HAS1: variants seen among roughly 807,000 people sequenced by gnomAD.
HAS1 encodes the protein hyaluronan synthase 1.
A neutral mutation model predicts 35.0 loss-of-function variants in HAS1; 27 were observed. That is an observed-to-expected ratio of 0.77 (90% confidence interval 0.57 to 1.06). The LOEUF (loss-of-function observed/expected upper bound fraction) is 1.06, where lower values mean the gene tolerates loss of function less well. Ranked by LOEUF, HAS1 falls within the 50% of genes least tolerant of loss-of-function variation. The probability of loss-of-function intolerance (pLI) is 0.00; values close to 1 mark genes in which losing one functional copy is unlikely to be tolerated. For synonymous variants in HAS1, 409 were observed against 371.2 expected, an observed-to-expected ratio of 1.10 and a Z score of -1.17; for missense variants, 940 against 814.8, an observed-to-expected ratio of 1.15 and a Z score of -1.87.
At chr19:51,723,062 G>A (rs1244063550) in intron 1 of HAS1, among the ~76,000 whole-genome samples, 2 of 152,042 alleles carry the variant, frequency 1.3e-5, no homozygotes, top group African/African-American at 4.8e-5. Flanking sequence ...GAGTTCCTAG[G>A]GATGGCTCAA....
rs756111781 is a variant in HAS1 at position 51,719,729 on chromosome 19, C to T, written c.176G>A (p.Gly59Glu). 1 of 1,568,778 alleles carries T rather than the reference C, an allele frequency of 6.4e-7. No individual in the cohort carries two copies. Among genetic ancestry groups the T allele is most frequent in the South Asian group, 1.2e-5 (1 of 86,026 alleles). ...CACCAGGTGCGCTGAAAGGAAGGCC[C>T]CGTAGAGGCCGAAGGCCAGGAGGCC... ...RYGLLAFGLY[G>E]AFLSAHLVAQ... is the part of the protein sequence containing the mutation. Residue 59 changes from glycine to glutamate, a missense_variant, in exon 2 of 5, where the codon GGG becomes GAG. Physicochemically the swap from Gly to Glu is moderately conservative, Grantham distance 98. Coordinates refer to ENST00000540069, the MANE Select transcript of HAS1 (RefSeq NM_001297436.2).
chr19:51,713,211 G>T lies in HAS1; in HGVS notation c.*216C>A, dbSNP rs3829649. On this transcript the variant is annotated 3_prime_UTR_variant, in exon 5 of 5. Coordinates refer to ENST00000540069, the MANE Select transcript of HAS1 (RefSeq NM_001297436.2). This position sits in a 1 kb window ranked among gnomAD's most constrained non-coding sequence, Gnocchi z 4.5. The stretch of plus-strand genomic sequence containing the variant: ...CAGGACCCTTTCCCTCCACTCCTCA[G>T]ATCCCACACCCTGACCAATAAATAC... 9.0e-6 allele frequency: 4 copies of T among 444,956 alleles called. No homozygotes were observed. The highest frequency in any genetic ancestry group is 7.0e-5 in the East Asian group (2 of 28,740). 27.6% of individuals were successfully genotyped at this position (444,956 alleles called of 1,614,324 possible).
chr19:51,722,808 A>G (rs2083639887), intron 1 of HAS1, among the ~76,000 whole-genome samples: 2 of 152,306 alleles, frequency 1.3e-5, no homozygotes, highest in African/African-American at 4.8e-5. Flanking sequence ...CCTTTATTTA[A>G]AAAAATGTGC....
At position 51,716,371 on chromosome 19, in the gene HAS1, G is replaced by A. The variant is rs759824177; in HGVS notation, c.943C>T (p.Leu315Phe). 1.2e-6 allele frequency: 2 copies of A among 1,613,456 alleles called. No homozygotes were observed. Among genetic ancestry groups the A allele is most frequent in the South Asian group, 2.2e-5 (2 of 91,032 alleles). ...CAGGCCTCAAGAAACTGCTGCAAGAGGTTATTCCTATATAGGCCTGGGTGG... is the reference window on the plus strand; with the variant it reads ...CAGGCCTCAAGAAACTGCTGCAAGAAGTTATTCCTATATAGGCCTGGGTGG... ...SGPLGLYRNN[L>F]LQQFLEAWYN... The change falls in exon 4 of 5, where the codon CTC becomes TTC. Residue 315 changes from leucine (L) to phenylalanine (F), a missense_variant. By Grantham distance (22) the Leu-to-Phe change is conservative. Transcript: ENST00000540069.
intron 2 of HAS1, among the ~76,000 whole-genome samples, chr19:51,717,664 G>C (rs1427952034): frequency 6.6e-6 from 1 of 152,210 alleles, no homozygotes; most frequent in Non-Finnish European, 1.5e-5. Context: ...TGGCCTTGAA[G>C]AGGCAAGCTA....
intron 1 of HAS1, among the ~76,000 whole-genome samples, chr19:51,721,399 C>T (rs978236255): frequency 2.6e-5 from 4 of 152,104 alleles, no homozygotes; most frequent in African/African-American, 4.8e-5. Context: ...GCTGGAAGAG[C>T]CCAGAATCAG....
rs377755127 is a variant in HAS1 at position 51,713,530 on chromosome 19, G to T, written c.1631C>A (p.Ala544Asp). 3.8e-6 allele frequency: 6 copies of T among 1,594,470 alleles called. No individual in the cohort carries two copies. The African/African-American group carries it at 5.4e-5, about 14-fold the overall frequency. The part of the protein sequence containing the change: ...AAEAYHLAAG[A>D]GAYVGYWVAM... ...CACCCAGTAGCCCACGTAGGCGCCG[G>T]CCCCCGCGGCCAAGTGGTAGGCCTC... is the stretch of plus-strand genomic sequence containing the variant. Residue 544 changes from alanine to aspartate, a missense_variant, in exon 5 of 5, where the codon GCC (alanine) becomes GAC (aspartate). Coordinates refer to ENST00000540069, the MANE Select transcript of HAS1 (RefSeq NM_001297436.2). This position sits in a 1 kb window ranked among gnomAD's most constrained non-coding sequence, Gnocchi z 4.5.
chr19:51,717,454 A>C (rs978898517), intron 2 of HAS1, among the ~76,000 whole-genome samples: 3 of 152,244 alleles, frequency 2.0e-5, no homozygotes, highest in African/African-American at 7.2e-5. Context: ...GCTACTAAGC[A>C]ATAGAATATG....
Position 51,723,949 on chromosome 19 carries a change from C to G in HAS1, c.-16G>C, listed in dbSNP as rs1028143239. The G allele has an allele frequency of 3.3e-6, 5 of 1,536,206 alleles. No individual in the cohort carries two copies. The African/African-American group carries it at 6.9e-5, about 21-fold the overall frequency. ...CCTGTCTCATCGCAGTGGGTCTGGC[C>G]GGGCTCTCTCTTCTCTCCGGCTTGC... On this transcript the variant is annotated 5_prime_UTR_variant, in exon 1 of 5. Coordinates refer to ENST00000540069, the MANE Select transcript of HAS1 (RefSeq NM_001297436.2).
chr19:51,716,306 C>T lies in HAS1; in HGVS notation c.1008G>A (p.Gly336=), dbSNP rs751656505. 5 of 1,613,690 alleles carry T rather than the reference C, an allele frequency of 3.1e-6. No homozygotes were observed. In the African/African-American group the frequency reaches 5.3e-5, roughly 17 times the overall value. Residue 336 remains glycine, a synonymous_variant, in exon 4 of 5, where the codon GGG becomes GGA. Transcript: ENST00000540069. ...QKFLGTHCTF[G]DDRHLTNRML... ...TGCGGTTGGTGAGGTGCCGGTCATC[C>T]CCAAAAGTACAGTGGGTACCCAGGA...
intron 1 of HAS1, 41 bp downstream of exon 1, chr19:51,723,884 T>TATACACAC: frequency 1.6e-6 from 2 of 1,227,610 alleles, no homozygotes; most frequent in Non-Finnish European, 2.2e-6. Context: ...CATGGCTGTA[T>TATACACAC]ACACACACAC....
intron 1 of HAS1, among the ~76,000 whole-genome samples, chr19:51,723,475 G>A (rs529400993): frequency 1.3e-5 from 2 of 152,228 alleles, no homozygotes; most frequent in Admixed American, 1.3e-4. Flanking sequence ...CAGTATCGGC[G>A]ATTTCATTTG....
At position 51,713,292 on chromosome 19, in the gene HAS1, G is replaced by A. The variant is rs2083552454; in HGVS notation, c.*135C>T. 1 of 822,010 alleles carries A rather than the reference G, an allele frequency of 1.2e-6. No individual in the cohort carries two copies. The highest frequency in any genetic ancestry group is 1.8e-6 in the Non-Finnish European group (1 of 559,598). The allele number at this position is 822,010 out of a possible 1,614,324, so 50.9% of individuals were successfully genotyped here. On this transcript the variant is annotated 3_prime_UTR_variant, in exon 5 of 5. Transcript: ENST00000540069. This position sits in a 1 kb window ranked among gnomAD's most constrained non-coding sequence, Gnocchi z 4.5. ...AATATAGTCCAGACTGAAGAATCTT[G>A]GGCTGACCCCCTCGTTTTGCAGAGG...
intron 1 of HAS1, among the ~76,000 whole-genome samples, chr19:51,720,524 G>A (rs10408937): frequency 0.012 from 1,857 of 152,138 alleles, 32 homozygotes; most frequent in African/African-American, 0.042. Flanking sequence ...ACAGGGTCTT[G>A]CTCTGTCGCC....
Position 51,719,644 on chromosome 19 carries a change from C to T in HAS1, c.261G>A (p.Pro87=). The change falls in exon 2 of 5, where the codon CCG becomes CCA. Residue 87 remains proline (P), a synonymous_variant. Transcript: ENST00000540069. The part of the protein sequence containing the change: ...HRRVAAAARG[P]LDAATARSVA... The stretch of plus-strand genomic sequence containing the variant: ...CACTGCGCGCGGTGGCTGCATCCAG[C>T]GGCCCCCGCGCCGCCGCCGCCACCC... 1.3e-6 allele frequency: 2 copies of T among 1,537,706 alleles called. No individual in the cohort carries two copies. The highest frequency in any genetic ancestry group is 2.5e-5 in the East Asian group (1 of 40,280).
In HAS1 at chr19:51,720,643, G is replaced by C. The variant is rs577544874; in HGVS notation, c.10-748C>G. 2.0e-5 allele frequency among the ~76,000 whole-genome samples: 3 copies of C among 151,162 alleles called. No individual in the cohort carries two copies. In the East Asian group the frequency reaches 5.8e-4, roughly 29 times the overall value. On this transcript the variant is annotated intron_variant, in intron 1 of 4. Coordinates refer to ENST00000540069, the MANE Select transcript of HAS1 (RefSeq NM_001297436.2). ...AAGAAGCTAGGACCACAAGGCTGGA[G>C]TCACTATGCCTTGCTAATTAAAAAA...
intron 4 of HAS1, among the ~76,000 whole-genome samples, chr19:51,714,825 T>C (rs919125104): frequency 1.3e-5 from 2 of 152,150 alleles, no homozygotes; most frequent in African/African-American, 4.8e-5. Context: ...TTACTATGAC[T>C]ATTGCTGTTA....
intron 1 of HAS1, among the ~76,000 whole-genome samples, chr19:51,721,810 T>C (rs1707322559): frequency 6.6e-6 from 1 of 152,066 alleles, no homozygotes; most frequent in African/African-American, 2.4e-5. Context: ...GCTGTGTTTC[T>C]CAAGTTGGTC....
Position 51,713,240 on chromosome 19 carries a change from C to A in HAS1, c.*187G>T. Reference sequence around the variant, plus strand: ...CCACACCCTGACCAATAAATACCCTCCCTGGAGACCCAGAAGTCCCAGTCC... The same window carrying A: ...CCACACCCTGACCAATAAATACCCTACCTGGAGACCCAGAAGTCCCAGTCC... On this transcript the variant is annotated 3_prime_UTR_variant, in exon 5 of 5. Coordinates refer to ENST00000540069, the MANE Select transcript of HAS1 (RefSeq NM_001297436.2). The surrounding 1 kb of genome is among the most constrained non-coding windows in gnomAD (Gnocchi z 4.5). 3.9e-6 allele frequency: 2 copies of A among 512,018 alleles called. No homozygotes were observed. The highest frequency in any genetic ancestry group is 6.6e-6 in the Non-Finnish European group (2 of 304,148). The allele number at this position is 512,018 out of a possible 1,614,324, so 31.7% of individuals were successfully genotyped here.
Sources: gnomAD v4.1 joint callset for allele counts (sites outside exome capture counted in the v4.1 genomes callset) on GRCh38, gnomAD v4.1.1 for gene constraint, Gnocchi (gnomAD v3.1) non-coding constraint, MANE v1.5 for transcripts, NCBI Gene and HGNC (gene_info 2026-07-23, HGNC 2026-07-21) for gene names.